PRDM8: variants seen among roughly 807,000 people sequenced by gnomAD.
PRDM8 encodes the protein PR domain zinc finger protein 8.
PRDM8 carries 13 observed loss-of-function variants against 46.5 expected under a neutral mutation model. That is an observed-to-expected ratio of 0.28 (90% CI 0.18 to 0.44). PRDM8 has a LOEUF of 0.44. Among genes scored for constraint, PRDM8 ranks in the 20% least tolerant of loss-of-function variants. PRDM8 has a pLI of 1.00. For synonymous variants in PRDM8, 473 were observed against 438.4 expected (o/e 1.08, Z -0.98); for missense variants, 998 against 955.0 (o/e 1.04, Z -0.59).
intron 2 of PRDM8, among the ~76,000 whole-genome samples, chr4:80,200,576 T>TC (rs1738367479): frequency 1.3e-5 from 2 of 152,246 alleles, no homozygotes; most frequent in African/African-American, 4.8e-5. Context: ...TGAACACGAC[T>TC]TCCTAAACTC....
chr4:80,198,548 TA>T (rs1174770544), intron 1 of PRDM8, among the ~76,000 whole-genome samples: 1 of 152,158 alleles, frequency 6.6e-6, no homozygotes, highest in East Asian at 1.9e-4. Flanking sequence ...TGATGCAGAA[TA>T]AAAAAGTTTC....
At chr4:80,198,981 T>A (rs1276312736) in intron 1 of PRDM8, among the ~76,000 whole-genome samples, 2 of 99,942 alleles carry the variant, frequency 2.0e-5, no homozygotes, top group Non-Finnish European at 3.5e-5. Flanking sequence ...TTTTTTTGGG[T>A]TTTTTTTTTT....
chr4:80,186,498 G>T (rs1009630333), intron 1 of PRDM8, among the ~76,000 whole-genome samples: 15 of 147,786 alleles, frequency 1.0e-4, no homozygotes, highest in African/African-American at 3.5e-4. Context: ...TGGCCAAAGA[G>T]GAAAGTTGCT....
At chr4:80,198,994 G>GTTTTTTTTTTTTTTTTTTTTTTT (rs1310531623) in intron 1 of PRDM8, among the ~76,000 whole-genome samples, 2 of 63,506 alleles carry the variant, frequency 3.1e-5, no homozygotes, top group Non-Finnish European at 2.4e-5. Context: ...TTTTTTTTTT[G>GTTTTTTTTTTTTTTTTTTTTTTT]TTTTTTTTTT....
chr4:80,188,136 A>G (rs1737267395), intron 1 of PRDM8, among the ~76,000 whole-genome samples: 2 of 152,246 alleles, frequency 1.3e-5, no homozygotes, highest in Non-Finnish European at 2.9e-5. Flanking sequence ...CACCCCACAC[A>G]CTGACATGCA....
chr4:80,194,154 C>T, upstream of PRDM8: 3 of 949,382 alleles, frequency 3.2e-6, no homozygotes, highest in Non-Finnish European at 3.8e-6. Context: ...AACCTCTCTC[C>T]AGCCCACTCT....
At chr4:80,185,336 G>C (rs2109858496) in exon 1 of PRDM8, 1 of 152,326 alleles carries the variant, frequency 6.6e-6, no homozygotes, top group African/African-American at 2.4e-5. Flanking sequence ...TGACCTACTA[G>C]ACTTGTTTTC....
chr4:80,190,593 A>T (rs570179281), intron 1 of PRDM8, among the ~76,000 whole-genome samples: 24 of 152,314 alleles, frequency 1.6e-4, no homozygotes, highest in African/African-American at 5.8e-4. Flanking sequence ...GATCTCTCCC[A>T]GGGAAACCCG....
chr4:80,197,302 C>T (rs1738032238), upstream of PRDM8: 2 of 972,786 alleles, frequency 2.1e-6, no homozygotes, highest in Admixed American at 6.2e-5. Flanking sequence ...GGCCGGGACG[C>T]TCTCTGAGAG....
At position 80,202,403 on chromosome 4, in the gene PRDM8, G is replaced by A. The variant is rs1417530602; in HGVS notation, c.941G>A (p.Arg314Lys). The A allele has an allele frequency of 6.4e-7, 1 of 1,564,806 alleles. No homozygotes were observed. Among genetic ancestry groups the A allele is most frequent in the Non-Finnish European group, 8.7e-7 (1 of 1,155,638 alleles). ...GCCACGGGCGGCGGCAAAGGAAAGAGGAAATTCCCGGAGGAGGCGGCGGAG... is the reference window on the plus strand; with the variant it reads ...GCCACGGGCGGCGGCAAAGGAAAGAAGAAATTCCCGGAGGAGGCGGCGGAG... ...GIATGGGKGK[R>K]KFPEEAAEGG... Residue 314 changes from arginine to lysine, a missense_variant, in exon 4 of 4, where the codon AGG becomes AAG. Physicochemically the swap from Arg to Lys is conservative, Grantham distance 26 (BLOSUM62 2). Transcript: ENST00000415738.
rs1738342388 is a variant in PRDM8, at chr4:80,200,311, C to T, written c.219+12C>T. On this transcript the variant is annotated intron_variant, in intron 2 of 3. Transcript: ENST00000415738. Reference sequence around the variant, plus strand: ...CGTATATCTTTCGGGTAAGTCTCCACTGTAGCTGTGTAGGTGTATGAGGGT... The same window carrying T: ...CGTATATCTTTCGGGTAAGTCTCCATTGTAGCTGTGTAGGTGTATGAGGGT... The T allele has an allele frequency of 6.3e-7, 1 of 1,594,510 alleles. No homozygotes were observed. Among genetic ancestry groups the T allele is most frequent in the Non-Finnish European group, 8.6e-7 (1 of 1,162,634 alleles).
chr4:80,194,037 G>T (rs766622633), upstream of PRDM8: 13 of 162,480 alleles, frequency 8.0e-5, no homozygotes, highest in Admixed American at 1.3e-4. Flanking sequence ...CCTGGGAAGA[G>T]AAAGAGTGTT....
rs1738582150 is a variant in PRDM8, at chr4:80,202,489, G to T, written c.1027G>T (p.Ala343Ser). The change falls in exon 4 of 4, where the codon GCC (alanine) becomes TCC (serine). Residue 343 changes from alanine to serine, a missense_variant. Coordinates refer to ENST00000415738, the MANE Select transcript of PRDM8 (RefSeq NM_001099403.2). ...CCGCTTCGTAGAGCGGCCCCTCCCGGCCTCCAAGGAGGATCTGGTGTGCAC... is the reference window on the plus strand; with the variant it reads ...CCGCTTCGTAGAGCGGCCCCTCCCGTCCTCCAAGGAGGATCTGGTGTGCAC... ...RGRFVERPLP[A>S]SKEDLVCTPQ... The T allele has an allele frequency of 1.3e-6, 2 of 1,533,598 alleles. No homozygotes were observed. The highest frequency in any genetic ancestry group is 8.8e-7 in the Non-Finnish European group (1 of 1,142,190). The allele number at this position is 1,533,598 out of a possible 1,614,324, so 95.0% of individuals were successfully genotyped here. A position where few individuals can be genotyped will look rare whatever the true frequency, so the allele number is the denominator to read the frequency against.
upstream of PRDM8, chr4:80,196,155 C>T: frequency 1.1e-6 from 1 of 935,070 alleles, no homozygotes; most frequent in Non-Finnish European, 1.3e-6. Flanking sequence ...TCCCCAAATA[C>T]ATTATTTCAA....
At chr4:80,198,777 C>A (rs937639271) in intron 1 of PRDM8, among the ~76,000 whole-genome samples, 6 of 152,066 alleles carry the variant, frequency 3.9e-5, no homozygotes, top group African/African-American at 1.4e-4. Flanking sequence ...TGACATTATT[C>A]CATAATGAAC....
rs1262983903 is a variant in PRDM8 at position 80,200,239 on chromosome 4, C to T, written c.159C>T (p.Asp53=). 6 of 1,614,120 alleles carry T rather than the reference C, an allele frequency of 3.7e-6. No individual in the cohort carries two copies. The highest frequency in any genetic ancestry group is 4.5e-5 in the East Asian group (2 of 44,882). The change falls in exon 2 of 4, where the codon GAC becomes GAT. Residue 53 remains aspartate, a synonymous_variant. Transcript: ENST00000415738. Reference sequence around the variant, plus strand: ...TCCTGAGCCATACTTCCCTATATGACAGCATAGCTTTCATAGCTCTCAAGT... The same window carrying T: ...TCCTGAGCCATACTTCCCTATATGATAGCATAGCTTTCATAGCTCTCAAGT... ...PCVLSHTSLY[D]SIAFIALKST... is the part of the protein sequence containing the mutation.
At chr4:80,193,316 T>C (rs893019389), upstream of PRDM8, among the ~76,000 whole-genome samples, 1 of 152,136 alleles carries the variant, frequency 6.6e-6, no homozygotes, top group African/African-American at 2.4e-5. Flanking sequence ...TGTATACTTA[T>C]AAAAAACGAG....
intron 1 of PRDM8, among the ~76,000 whole-genome samples, chr4:80,199,693 A>ATG (rs1738272603): frequency 8.8e-6 from 1 of 113,318 alleles, no homozygotes; most frequent in Non-Finnish European, 1.8e-5. Context: ...AATTATATAT[A>ATG]TGTATATATA....
At chr4:80,190,382 C>A (rs182619191) in intron 1 of PRDM8, among the ~76,000 whole-genome samples, 119 of 152,358 alleles carry the variant, frequency 7.8e-4, no homozygotes, top group Admixed American at 2.7e-3. Flanking sequence ...GCGTACCAAG[C>A]GCACCGCTTG....
Sources: gnomAD v4.1 joint callset for allele counts (sites outside exome capture counted in the v4.1 genomes callset) on GRCh38, gnomAD v4.1.1 for gene constraint, MANE v1.5 for transcripts, NCBI Gene and HGNC (gene_info 2026-07-23, HGNC 2026-07-21) for gene names.